ANKRD30A: variants seen among roughly 807,000 people sequenced by gnomAD.
ANKRD30A encodes ankyrin repeat domain 30A, also known as ankyrin repeat domain-containing protein 30A.
Under a neutral mutation model 166.3 loss-of-function variants are expected in ANKRD30A, and 170 were observed. The observed-to-expected ratio is 1.02, with a 90% CI of 0.90 to 1.16. The LOEUF is 1.16. Among genes scored for constraint, ANKRD30A ranks in the 50% most tolerant of loss-of-function variants. ANKRD30A has a pLI of 0.00. For missense variants in ANKRD30A, 1,630 were observed against 1,518.0 expected (o/e 1.07, Z -1.23); for synonymous variants, 564 against 508.9 (o/e 1.11, Z -1.46).
At chr10:37,142,675 G>T (rs889904452) in intron 7 of ANKRD30A, among the ~76,000 whole-genome samples, 1 of 132,574 alleles carries the variant, frequency 7.5e-6, no homozygotes, top group South Asian at 2.5e-4. Flanking sequence ...TACAACCTCC[G>T]CCTCCCAGGT....
chr10:37,221,075 G>A (rs562819022), intron 34 of ANKRD30A, among the ~76,000 whole-genome samples: 1 of 144,774 alleles, frequency 6.9e-6, no homozygotes, highest in Admixed American at 7.0e-5. Context: ...GACTTCAGTA[G>A]GTTGTGAAGC....
At chr10:37,202,376 C>A (rs981704723) in intron 31 of ANKRD30A, among the ~76,000 whole-genome samples, 2 of 152,102 alleles carry the variant, frequency 1.3e-5, no homozygotes, top group African/African-American at 4.8e-5. Context: ...ACAACCTCCT[C>A]CAGAATGACT....
chr10:37,216,111 G>A (rs183311479), intron 31 of ANKRD30A, 70 bp from the exon 32 acceptor site: 3 of 1,130,772 alleles, frequency 2.7e-6, no homozygotes, highest in African/African-American at 3.2e-5. Context: ...ATAAGTGATT[G>A]TTAAAATATG....
intron 15 of ANKRD30A, among the ~76,000 whole-genome samples, chr10:37,159,499 T>A (rs1236629405): frequency 2.0e-5 from 3 of 151,904 alleles, no homozygotes; most frequent in Admixed American, 6.6e-5. Context: ...AGTGACAGAG[T>A]GAGACTCCAT....
chr10:37,137,411 C>T (rs185197994), intron 6 of ANKRD30A, among the ~76,000 whole-genome samples: 214 of 152,222 alleles, frequency 1.4e-3, no homozygotes, highest in African/African-American at 4.6e-3. Context: ...GAGCATGAGC[C>T]GAAGCAGGGC....
At chr10:37,196,150 C>A (rs1588898581) in intron 27 of ANKRD30A, among the ~76,000 whole-genome samples, 1 of 123,158 alleles carries the variant, frequency 8.1e-6, no homozygotes. Context: ...AGGGGACAAA[C>A]AAGAAAGAAT....
intron 2 of ANKRD30A, 97 bp downstream of exon 2, chr10:37,130,104 A>C: frequency 8.5e-7 from 1 of 1,171,914 alleles, no homozygotes; most frequent in East Asian, 3.1e-5. Flanking sequence ...TAGTTTTGAA[A>C]CCTGTGGAAT....
intron 31 of ANKRD30A, among the ~76,000 whole-genome samples, chr10:37,205,129 A>G (rs748290267): frequency 2.6e-5 from 4 of 152,116 alleles, no homozygotes; most frequent in Non-Finnish European, 2.9e-5. Flanking sequence ...AAATCGTGCT[A>G]CTGTAAAGAC....
rs1286089194 is a variant in ANKRD30A, at chr10:37,218,975, T to C, written c.3268-5T>C. On this transcript the variant is annotated splice_polypyrimidine_tract_variant and splice_region_variant and intron_variant, in intron 33 of 35. Coordinates refer to ENST00000361713, the MANE Select transcript of ANKRD30A (RefSeq NM_052997.3). Reference sequence around the variant, plus strand: ...CTAGCTAAAAGTTTATTTTGTTTTATTTAGGTTTCTCACACTCATGAAAAT... The same window carrying C: ...CTAGCTAAAAGTTTATTTTGTTTTACTTAGGTTTCTCACACTCATGAAAAT... 1 of 1,556,804 alleles carries C rather than the reference T, an allele frequency of 6.4e-7. No homozygotes were observed. Among genetic ancestry groups the C allele is most frequent in the South Asian group, 1.2e-5 (1 of 82,738 alleles).
At position 37,193,275 on chromosome 10, in the gene ANKRD30A, T is replaced by C. The variant is rs1378840393; in HGVS notation, c.2614+17T>C. ...TCAAAGCAGGTAAATTTTGTAATTT[T>C]AATTTTACTCTGGAAAGAAGAATAT... On this transcript the variant is annotated intron_variant, in intron 27 of 35. Coordinates refer to ENST00000361713, the MANE Select transcript of ANKRD30A (RefSeq NM_052997.3). The C allele has an allele frequency of 6.2e-7, 1 of 1,601,786 alleles. No individual in the cohort carries two copies. Among genetic ancestry groups the C allele is most frequent in the African/African-American group, 1.3e-5 (1 of 74,230 alleles).
At chr10:37,196,325 T>C (rs566517040) in intron 27 of ANKRD30A, among the ~76,000 whole-genome samples, 10 of 152,020 alleles carry the variant, frequency 6.6e-5, no homozygotes, top group South Asian at 2.1e-4. Context: ...CATTAGGTTT[T>C]TCTGTTACAA....
chr10:37,238,035 T>A, the ANKRD30A span, among the ~76,000 whole-genome samples: 1 of 152,148 alleles, frequency 6.6e-6, no homozygotes, highest in African/African-American at 2.4e-5. Flanking sequence ...CCCAACTCTT[T>A]CTACAGCCAA....
At chr10:37,165,053 G>C (rs1156391424) in intron 17 of ANKRD30A, 41 bp from the exon 18 acceptor site, 2 of 1,570,554 alleles carry the variant, frequency 1.3e-6, no homozygotes, top group Admixed American at 1.7e-5. Flanking sequence ...TTTTAGTAGA[G>C]AACTGTGCTC....
At chr10:37,156,494 T>G (rs1838395580) in intron 13 of ANKRD30A, among the ~76,000 whole-genome samples, 1 of 152,252 alleles carries the variant, frequency 6.6e-6, no homozygotes, top group African/African-American at 2.4e-5. Flanking sequence ...ATAGGATTCT[T>G]AAGTGCCAAG....
chr10:37,201,088 G>GTTT, intron 30 of ANKRD30A, 147 bp from the exon 31 acceptor site: 1 of 498,862 alleles, frequency 2.0e-6, no homozygotes, highest in South Asian at 2.8e-5. Flanking sequence ...CTATTAAAAT[G>GTTT]TTTTTTTTTA....
intron 31 of ANKRD30A, among the ~76,000 whole-genome samples, chr10:37,208,415 G>A (rs1242435439): frequency 2.0e-5 from 3 of 152,168 alleles, no homozygotes; most frequent in Admixed American, 6.6e-5. Flanking sequence ...AGTTCCTACC[G>A]GTAAAACAAA....
chr10:37,248,376 C>G, the ANKRD30A span: 2 of 324,498 alleles, frequency 6.2e-6, no homozygotes, highest in Admixed American at 3.7e-5. Flanking sequence ...GACTCCCATC[C>G]CAGCACACAC....
chr10:37,155,856 C>A (rs530391315), intron 13 of ANKRD30A, among the ~76,000 whole-genome samples: 1 of 151,990 alleles, frequency 6.6e-6, no homozygotes, highest in Non-Finnish European at 1.5e-5. Flanking sequence ...GCGACGCGGG[C>A]GGATCACAAG....
At chr10:37,261,026 C>T in the ANKRD30A span, among the ~76,000 whole-genome samples, 1 of 151,862 alleles carries the variant, frequency 6.6e-6, no homozygotes, top group Non-Finnish European at 1.5e-5. Flanking sequence ...TGCACTTTAC[C>T]CCCAAATGTA....
Sources: allele counts gnomAD v4.1 joint callset (sites outside exome capture counted in the v4.1 genomes callset), GRCh38; gene constraint gnomAD v4.1.1; transcripts MANE v1.5; gene names NCBI Gene and HGNC (gene_info 2026-07-23, HGNC 2026-07-21).